FBXW11: variants seen among roughly 807,000 people sequenced by gnomAD.
FBXW11 encodes F-box/WD repeat-containing protein 11.
FBXW11 carries 19 observed loss-of-function variants against 77.6 expected under a neutral mutation model. The observed-to-expected ratio is 0.24, with a 90% CI of 0.17 to 0.36. The LOEUF (loss-of-function observed/expected upper bound fraction) is 0.36. Among genes scored for constraint, FBXW11 ranks in the 10% least tolerant of loss-of-function variants. The pLI, the probability that FBXW11 is intolerant of heterozygous loss-of-function variation, is 1.00. For synonymous variants in FBXW11, 235 were observed against 249.4 expected (o/e 0.94, Z 0.54); for missense variants, 334 against 704.2 (o/e 0.47, Z 5.95).
chr5:172,004,519 T>C (rs528265759), intron 1 of FBXW11, among the ~76,000 whole-genome samples: 1 of 152,340 alleles, frequency 6.6e-6, no homozygotes, highest in Admixed American at 6.5e-5. Flanking sequence ...TTTTTTATTT[T>C]GTAACCATAC....
At chr5:171,937,932 C>A (rs1199262271) in intron 2 of FBXW11, among the ~76,000 whole-genome samples, 1 of 150,050 alleles carries the variant, frequency 6.7e-6, no homozygotes, top group African/African-American at 2.5e-5. Context: ...CCTTAAATGA[C>A]AAACTGGAAA....
intron 3 of FBXW11, among the ~76,000 whole-genome samples, chr5:171,913,826 C>T (rs1005839175): frequency 9.8e-5 from 11 of 112,178 alleles, no homozygotes; most frequent in Admixed American, 5.6e-4. Flanking sequence ...CATACACACA[C>T]ACACACACAC....
At chr5:172,001,438 C>G (rs988476891) in intron 1 of FBXW11, among the ~76,000 whole-genome samples, 1 of 152,124 alleles carries the variant, frequency 6.6e-6, no homozygotes, top group African/African-American at 2.4e-5. Flanking sequence ...AAATGATCAC[C>G]AGGAAAATTC....
At chr5:171,947,280 T>C (rs950767416) in intron 2 of FBXW11, among the ~76,000 whole-genome samples, 13 of 152,248 alleles carry the variant, frequency 8.5e-5, no homozygotes, top group Non-Finnish European at 1.3e-4. Flanking sequence ...GACTGATTTT[T>C]AATTTACTCT....
chr5:171,895,952 G>A (rs1238769934), intron 6 of FBXW11, among the ~76,000 whole-genome samples: 1 of 152,152 alleles, frequency 6.6e-6, no homozygotes, highest in Non-Finnish European at 1.5e-5. Flanking sequence ...TGTGTGGCAA[G>A]AACACCCAGG....
At position 171,981,991 on chromosome 5, in the gene FBXW11, T is replaced by C. The variant is rs1188259939; in HGVS notation, c.46-24293A>G. ...AACATATTTAACTAATCTATAGTTA[T>C]AGAAGGCAGGTTATTTAGGGCTGGG... is the stretch of plus-strand genomic sequence containing the variant. On this transcript the variant is annotated intron_variant, in intron 1 of 13. Transcript: ENST00000517395. Among the ~76,000 whole-genome samples the C allele has an allele frequency of 3.3e-5, 5 of 152,162 alleles. 1 individual carries two copies. Among genetic ancestry groups the C allele is most frequent in the African/African-American group, 2.4e-5 (1 of 41,438 alleles).
chr5:171,998,881 A>C (rs941416674), intron 1 of FBXW11, among the ~76,000 whole-genome samples: 2 of 152,082 alleles, frequency 1.3e-5, no homozygotes, highest in African/African-American at 4.8e-5. Context: ...AAAGATTGTA[A>C]CTGTGACAAA....
rs150469844 is a variant in FBXW11, at chr5:171,864,257, C to T, written c.*26-156G>A. ...AAGTTGTTCTGAGTGTACTACATAC[C>T]AGGTATCACATTTATTTCAACCTCA... On this transcript the variant is annotated intron_variant, in intron 13 of 13. Coordinates refer to ENST00000517395, the MANE Select transcript of FBXW11 (RefSeq NM_001378974.1). Among the ~76,000 whole-genome samples the T allele has an allele frequency of 8.0e-4, 122 of 152,268 alleles. No individual in the cohort carries two copies. The East Asian group carries it at 0.016, about 19-fold the overall frequency.
intron 13 of FBXW11, among the ~76,000 whole-genome samples, chr5:171,866,920 T>C (rs1372280009): frequency 3.3e-5 from 5 of 152,186 alleles, no homozygotes; most frequent in African/African-American, 7.2e-5. Flanking sequence ...GGCAGAAGAT[T>C]ATGATCAGGA....
intron 1 of FBXW11, among the ~76,000 whole-genome samples, chr5:171,978,838 T>C (rs1764989508): frequency 6.6e-6 from 1 of 152,198 alleles, no homozygotes; most frequent in African/African-American, 2.4e-5. Context: ...CACTTCTCTT[T>C]CTTCACAAAA....
Position 171,868,495 on chromosome 5 carries a change from C to CA in FBXW11, c.*25+114dup, listed in dbSNP as rs1208061170. 9.4e-5 allele frequency: 72 copies of CA among 763,866 alleles called. No homozygotes were observed. The African/African-American group carries it at 1.2e-3, about 12-fold the overall frequency. 47.3% of individuals were successfully genotyped at this position (763,866 alleles called of 1,614,324 possible). A position where few individuals can be genotyped will look rare whatever the true frequency, so the allele number is the denominator to read the frequency against. On this transcript the variant is annotated intron_variant, in intron 13 of 13. Coordinates refer to ENST00000517395, the MANE Select transcript of FBXW11 (RefSeq NM_001378974.1). ...TACACTTGAACTCTGCAAAAGTTGA[C>CA]ACGTCTAAGAGAGACCTTGGTTCAC...
At chr5:171,864,461 T>C (rs530476072) in intron 13 of FBXW11, among the ~76,000 whole-genome samples, 1 of 152,292 alleles carries the variant, frequency 6.6e-6, no homozygotes, top group Admixed American at 6.5e-5. Flanking sequence ...AGTACACATA[T>C]AACAAAAGAT....
intron 2 of FBXW11, among the ~76,000 whole-genome samples, chr5:171,955,851 A>C (rs1373011168): frequency 1.3e-5 from 2 of 152,184 alleles, no homozygotes; most frequent in African/African-American, 4.8e-5. Flanking sequence ...TTCTTAAGTG[A>C]ATTTCACTAA....
intron 7 of FBXW11, among the ~76,000 whole-genome samples, chr5:171,882,951 C>G (rs1039153627): frequency 2.0e-5 from 3 of 151,434 alleles, no homozygotes; most frequent in Admixed American, 1.3e-4. Flanking sequence ...CACTCGTCCC[C>G]CCAAGTCCCC....
intron 1 of FBXW11, chr5:171,996,755 T>C (rs1766077906): frequency 1.8e-6 from 1 of 545,738 alleles, no homozygotes; most frequent in Admixed American, 3.7e-5. Context: ...TGGCCAAACA[T>C]GACACTACGC....
At chr5:171,985,825 C>T (rs1765409442) in intron 1 of FBXW11, among the ~76,000 whole-genome samples, 2 of 152,080 alleles carry the variant, frequency 1.3e-5, no homozygotes, top group Admixed American at 1.3e-4. Context: ...CATGCACCAG[C>T]AGTCCCAACT....
intron 1 of FBXW11, among the ~76,000 whole-genome samples, chr5:171,965,894 TG>T (rs1414291745): frequency 6.6e-6 from 1 of 152,108 alleles, no homozygotes; most frequent in Non-Finnish European, 1.5e-5. Context: ...GGTTGACTCA[TG>T]GGGGTAGACG....
intron 2 of FBXW11, among the ~76,000 whole-genome samples, chr5:171,915,887 C>T (rs560641098): frequency 6.6e-6 from 1 of 152,204 alleles, no homozygotes; most frequent in African/African-American, 2.4e-5. Flanking sequence ...GGCACATACA[C>T]ACCACGGAAT....
chr5:171,884,964 C>T (rs1469199549), intron 7 of FBXW11, among the ~76,000 whole-genome samples: 1 of 152,140 alleles, frequency 6.6e-6, no homozygotes, highest in Non-Finnish European at 1.5e-5. Context: ...AGAAGGGAAG[C>T]GTTCTATAGT....
Sources: gnomAD v4.1 joint callset for allele counts (sites outside exome capture counted in the v4.1 genomes callset) on GRCh38, gnomAD v4.1.1 for gene constraint, MANE v1.5 for transcripts, NCBI Gene and HGNC (gene_info 2026-07-23, HGNC 2026-07-21) for gene names.